KTN1: variants seen among roughly 807,000 people sequenced by gnomAD.
The protein encoded by KTN1 is kinectin.
KTN1 carries 130 observed loss-of-function variants against 222.5 expected under a neutral mutation model. That is an observed-to-expected ratio of 0.58 (90% CI 0.51 to 0.68). The LOEUF (loss-of-function observed/expected upper bound fraction) is 0.68. Among genes scored for constraint, KTN1 ranks in the 30% least tolerant of loss-of-function variants. The probability of loss-of-function intolerance (pLI) is 0.00; values close to 1 mark genes in which losing one functional copy is unlikely to be tolerated. For synonymous variants in KTN1, 512 were observed against 496.3 expected (o/e 1.03, Z -0.42); for missense variants, 1,508 against 1,500.4 (o/e 1.01, Z -0.08).
At position 55,631,050 on chromosome 14, in the gene KTN1, T is replaced by A. The variant is rs146698401; in HGVS notation, c.1221+953T>A. Among the ~76,000 whole-genome samples the A allele has an allele frequency of 2.5e-3, 375 of 152,262 alleles. 3 individuals carry two copies. Among genetic ancestry groups the A allele is most frequent in the African/African-American group, 8.6e-3 (358 of 41,552 alleles). On this transcript the variant is annotated intron_variant, in intron 7 of 43. Coordinates refer to ENST00000395314, the MANE Select transcript of KTN1 (RefSeq NM_001079521.2). ...GAAGGCTCAGTTTTTACAGTCTGTC[T>A]TTTGTATATATTTTCCATTTTCATG...
At chr14:55,652,708 T>A in intron 25 of KTN1, 142 bp from the exon 26 acceptor site, 1 of 602,970 alleles carries the variant, frequency 1.7e-6, no homozygotes, top group Non-Finnish European at 3.0e-6. Flanking sequence ...CTTGTATGCC[T>A]TTATACTTGA....
intron 1 of KTN1, among the ~76,000 whole-genome samples, chr14:55,590,957 A>T (rs1292174645): frequency 1.3e-5 from 2 of 152,198 alleles, no homozygotes; most frequent in Admixed American, 1.3e-4. Context: ...TACAGGCATG[A>T]GCCACCATGC....
chr14:55,638,191 T>C (rs1234457094), intron 12 of KTN1, among the ~76,000 whole-genome samples: 1 of 151,878 alleles, frequency 6.6e-6, no homozygotes, highest in Non-Finnish European at 1.5e-5. Context: ...ATCAGCTAGC[T>C]CTGGAAAATC....
intron 24 of KTN1, 31 bp downstream of exon 24, chr14:55,650,668 T>C: frequency 6.7e-7 from 1 of 1,500,764 alleles, no homozygotes; most frequent in Non-Finnish European, 9.2e-7. Context: ...GCATGACAGA[T>C]TTATTAGTTG....
At chr14:55,625,701 A>T (rs75991559) in intron 5 of KTN1, among the ~76,000 whole-genome samples, 11,647 of 152,184 alleles carry the variant, frequency 0.077, 498 homozygotes, top group South Asian at 0.12. Flanking sequence ...GCAAGTTAAC[A>T]TGCTTTTCTT....
At chr14:55,626,689 A>G (rs1310989206) in intron 5 of KTN1, among the ~76,000 whole-genome samples, 1 of 152,146 alleles carries the variant, frequency 6.6e-6, no homozygotes, top group Non-Finnish European at 1.5e-5. Context: ...TTGAAGGGTC[A>G]GGGATGGCTG....
At chr14:55,617,833 G>T in intron 3 of KTN1, 131 bp from the exon 4 acceptor site, 1 of 645,290 alleles carries the variant, frequency 1.5e-6, no homozygotes, top group Non-Finnish European at 2.6e-6. Flanking sequence ...GACGAAATAG[G>T]AATTTAAAAC....
chr14:55,618,137 A>G lies in KTN1; in HGVS notation c.832+3A>G. 1 of 1,605,292 alleles carries G rather than the reference A, an allele frequency of 6.2e-7. No homozygotes were observed. Among genetic ancestry groups the G allele is most frequent in the Non-Finnish European group, 8.5e-7 (1 of 1,174,950 alleles). ...ACTGAAGACCGAAACTGACAAAGGTAATATATGGGATTTATAGTCTTTGTT... is the reference window on the plus strand; with the variant it reads ...ACTGAAGACCGAAACTGACAAAGGTGATATATGGGATTTATAGTCTTTGTT... On this transcript the variant is annotated splice_donor_region_variant and intron_variant, in intron 4 of 43. Transcript: ENST00000395314.
In KTN1 at chr14:55,639,988, A is replaced by G. The variant is rs185818178; in HGVS notation, c.1899A>G (p.Lys633=). ...LASERDRLTS[K]EEELKDIQNM... ...GTGAACGTGATCGTTTAACAAGTAA[A>G]GAAGAGGAACTTAAGGTATAGTAAT... is the stretch of plus-strand genomic sequence containing the variant. The change falls in exon 14 of 44, where the codon AAA becomes AAG. Residue 633 remains lysine, a synonymous_variant. Transcript: ENST00000395314. 7.5e-6 allele frequency: 12 copies of G among 1,595,852 alleles called. No individual in the cohort carries two copies. Among genetic ancestry groups the G allele is most frequent in the Admixed American group, 6.7e-5 (4 of 59,906 alleles).
chr14:55,649,749 C>T (rs1331885749), intron 21 of KTN1, 27 bp from the exon 22 acceptor site: 3 of 1,367,768 alleles, frequency 2.2e-6, no homozygotes, highest in African/African-American at 3.0e-5. Flanking sequence ...GAACAAATTA[C>T]TAAGTAGGAT....
chr14:55,632,831 GT>G (rs919847766), intron 7 of KTN1, among the ~76,000 whole-genome samples: 5 of 152,162 alleles, frequency 3.3e-5, no homozygotes, highest in Non-Finnish European at 5.9e-5. Context: ...CATATTTTCA[GT>G]TTTTAAACTT....
At chr14:55,596,578 G>T (rs1296247736) in intron 1 of KTN1, among the ~76,000 whole-genome samples, 1 of 152,130 alleles carries the variant, frequency 6.6e-6, no homozygotes, top group Non-Finnish European at 1.5e-5. Flanking sequence ...CTGTTGTCTG[G>T]AAGGCAGTCT....
intron 1 of KTN1, among the ~76,000 whole-genome samples, chr14:55,609,899 C>A (rs1056429963): frequency 6.6e-6 from 1 of 152,088 alleles, no homozygotes; most frequent in African/African-American, 2.4e-5. Context: ...AAATTCTGGG[C>A]TCTTTTAAAG....
chr14:55,631,783 C>CA (rs1426300770), intron 7 of KTN1, among the ~76,000 whole-genome samples: 1 of 151,890 alleles, frequency 6.6e-6, no homozygotes, highest in South Asian at 2.1e-4. Context: ...TCTCAAAAAA[C>CA]AAAAAACTCC....
intron 18 of KTN1, among the ~76,000 whole-genome samples, chr14:55,646,389 C>G (rs1295674961): frequency 2.0e-5 from 3 of 151,208 alleles, no homozygotes; most frequent in African/African-American, 7.3e-5. Context: ...CCATGTTTGT[C>G]TGTCTTTCTT....
At chr14:55,669,002 C>CT (rs1373997882) in intron 34 of KTN1, among the ~76,000 whole-genome samples, 3 of 152,068 alleles carry the variant, frequency 2.0e-5, no homozygotes, top group African/African-American at 7.2e-5. Context: ...TATAGATACA[C>CT]TATCAGTTCT....
Position 55,640,019 on chromosome 14 carries a change from T to A in KTN1, c.1914+16T>A. 7.2e-7 allele frequency: 1 copy of A among 1,396,550 alleles called. No homozygotes were observed. Among genetic ancestry groups the A allele is most frequent in the Non-Finnish European group, 1.0e-6 (1 of 986,258 alleles). 86.5% of individuals were successfully genotyped at this position (1,396,550 alleles called of 1,614,324 possible). ...GGAACTTAAGGTATAGTAATTTGTATAAATGGCTGCAATATTTTACAGAAC... is the reference window on the plus strand; with the variant it reads ...GGAACTTAAGGTATAGTAATTTGTAAAAATGGCTGCAATATTTTACAGAAC... On this transcript the variant is annotated intron_variant, in intron 14 of 43. Transcript: ENST00000395314.
At position 55,652,903 on chromosome 14, in the gene KTN1, A is replaced by C; in HGVS notation, c.2657A>C (p.Lys886Thr). ...MNTMKAVLEE[K>T]EKDLANTGKW... ...ACCATGAAGGCTGTTTTGGAAGAGA[A>C]AGAGAAAGACCTAGCCAATACAGGG... Residue 886 changes from lysine (K) to threonine (T), a missense_variant, in exon 26 of 44, where the codon AAA becomes ACA. Lys to Thr is a moderately conservative substitution (Grantham distance 78). Coordinates refer to ENST00000395314, the MANE Select transcript of KTN1 (RefSeq NM_001079521.2). The C allele has an allele frequency of 6.2e-7, 1 of 1,611,864 alleles. No homozygotes were observed. The highest frequency in any genetic ancestry group is 8.5e-7 in the Non-Finnish European group (1 of 1,178,592).
chr14:55,654,349 A>G (rs1170548641), intron 28 of KTN1, among the ~76,000 whole-genome samples: 3 of 67,212 alleles, frequency 4.5e-5, no homozygotes, highest in Admixed American at 1.3e-4. Flanking sequence ...TCTTTCTAAA[A>G]GGGAGATTAC....
Sources: gnomAD v4.1 joint callset for allele counts (sites outside exome capture counted in the v4.1 genomes callset) on GRCh38, gnomAD v4.1.1 for gene constraint, MANE v1.5 for transcripts, NCBI Gene and HGNC (gene_info 2026-07-23, HGNC 2026-07-21) for gene names.